ADGRL2: variants seen among roughly 807,000 people sequenced by gnomAD.
ADGRL2 encodes the protein adhesion G protein-coupled receptor L2, also known as calcium-independent alpha-latrotoxin receptor 2.
A neutral mutation model predicts 157.4 loss-of-function variants in ADGRL2; 44 were observed. That is an observed-to-expected ratio of 0.28 (90% CI 0.22 to 0.36). The LOEUF (loss-of-function observed/expected upper bound fraction) is 0.36, where lower values mean the gene tolerates loss of function less well. Among genes scored for constraint, ADGRL2 ranks in the 10% least tolerant of loss-of-function variants. The pLI is 1.00. For missense variants in ADGRL2, 1,510 were observed against 1,768.9 expected (o/e 0.85, Z 2.63); for synonymous variants, 585 against 624.7 (o/e 0.94, Z 0.95).
chr1:81,377,082 G>A (rs2076263818), intron 1 of ADGRL2, among the ~76,000 whole-genome samples: 1 of 152,130 alleles, frequency 6.6e-6, no homozygotes, highest in Non-Finnish European at 1.5e-5. Context: ...ATAGTCCTAA[G>A]CTACTCAGGA....
intron 6 of ADGRL2, among the ~76,000 whole-genome samples, chr1:81,947,471 C>T (rs1650273620): frequency 6.6e-6 from 1 of 152,202 alleles, no homozygotes; most frequent in African/African-American, 2.4e-5. Flanking sequence ...TGACCTTAAA[C>T]AAATTACTTA....
At chr1:81,637,912 C>CTT (rs5775626) in intron 3 of ADGRL2, among the ~76,000 whole-genome samples, 2 of 143,324 alleles carry the variant, frequency 1.4e-5, no homozygotes, top group African/African-American at 5.1e-5. Context: ...AAAAGGTATG[C>CTT]TTTTTTTTTT....
chr1:81,700,835 T>C (rs72718839), intron 1 of ADGRL2, among the ~76,000 whole-genome samples: 2,678 of 152,282 alleles, frequency 0.018, 33 homozygotes, highest in South Asian at 0.054. Context: ...CAGAGTGTCA[T>C]GTTGAATGTA....
rs1485647455 is a variant in ADGRL2 at position 81,350,527 on chromosome 1, A to G, written c.-302+44018A>G. 3.3e-5 allele frequency among the ~76,000 whole-genome samples: 5 copies of G among 152,362 alleles called. No individual in the cohort carries two copies. The East Asian group carries it at 9.6e-4, about 29-fold the overall frequency. ...AATAATTGGTGAACAAACCAATGTA[A>G]TGACAACTGATACTGAAGAGAAACC... On this transcript the variant is annotated intron_variant, in intron 1 of 24. Coordinates refer to the ADGRL2 transcript ENST00000370721.
upstream of ADGRL2, among the ~76,000 whole-genome samples, chr1:81,797,189 G>A (rs1037593451): frequency 2.6e-5 from 4 of 152,072 alleles, no homozygotes; most frequent in African/African-American, 7.2e-5. Flanking sequence ...AACTGAGTTA[G>A]GTTTAGGATA....
intron 2 of ADGRL2, among the ~76,000 whole-genome samples, chr1:81,455,425 C>T (rs774235948): frequency 6.6e-6 from 1 of 152,056 alleles, no homozygotes; most frequent in Non-Finnish European, 1.5e-5. Flanking sequence ...CACTGCCTCC[C>T]TAAAAAAATG....
intron 11 of ADGRL2, among the ~76,000 whole-genome samples, chr1:81,964,067 C>T (rs968632451): frequency 5.3e-5 from 8 of 151,744 alleles, no homozygotes; most frequent in Admixed American, 5.3e-4. Context: ...ATGGAAATAT[C>T]TTAAGTAGCT....
intron 1 of ADGRL2, among the ~76,000 whole-genome samples, chr1:81,825,836 C>A (rs904699346): frequency 6.6e-6 from 1 of 151,948 alleles, no homozygotes; most frequent in Non-Finnish European, 1.5e-5. Context: ...CAGTTTTATA[C>A]ACATTTATGG....
At chr1:81,557,501 GAAAGA>G (rs764441501) in intron 2 of ADGRL2, 2 of 41,938 alleles carry the variant, frequency 4.8e-5, no homozygotes, top group African/African-American at 1.9e-4. Context: ...AAGAAAGAAA[GAAAGA>G]AAGAAAGAAA....
intron 1 of ADGRL2, among the ~76,000 whole-genome samples, chr1:81,820,944 C>T (rs187143834): frequency 1.3e-5 from 2 of 152,202 alleles, no homozygotes; most frequent in East Asian, 3.9e-4. Context: ...TTAGGATCCG[C>T]CCATGTATTA....
In ADGRL2 at chr1:81,884,099, C is replaced by G. The variant is rs181985013; in HGVS notation, c.74-22918C>G. ...CTCCTGGGCTCAAGTGATCCTCCCCCCTCAGCCCCCAGAATAGCCGGGACT... is the reference window on the plus strand; with the variant it reads ...CTCCTGGGCTCAAGTGATCCTCCCCGCTCAGCCCCCAGAATAGCCGGGACT... On this transcript the variant is annotated intron_variant, in intron 2 of 23. Transcript: ENST00000686636. Among the ~76,000 whole-genome samples the G allele has an allele frequency of 3.0e-4, 45 of 152,084 alleles. No individual in the cohort carries two copies. In the East Asian group the frequency reaches 3.1e-3, roughly 10 times the overall value.
intron 1 of ADGRL2, among the ~76,000 whole-genome samples, chr1:81,741,631 A>T (rs899910924): frequency 2.6e-5 from 4 of 152,022 alleles, no homozygotes; most frequent in Non-Finnish European, 5.9e-5. Flanking sequence ...CCTTTGGAAG[A>T]TATATTTTTC....
chr1:81,982,713 C>G (rs561524903), intron 19 of ADGRL2, among the ~76,000 whole-genome samples: 2 of 151,952 alleles, frequency 1.3e-5, no homozygotes, highest in South Asian at 4.1e-4. Flanking sequence ...GTTTTCAGTC[C>G]TGACAAGACG....
chr1:81,543,311 C>G (rs939909116), intron 2 of ADGRL2, among the ~76,000 whole-genome samples: 7 of 151,782 alleles, frequency 4.6e-5, no homozygotes, highest in Non-Finnish European at 1.5e-5. Context: ...ACTAAAGTCC[C>G]AAGGGAGTTG....
intron 2 of ADGRL2, among the ~76,000 whole-genome samples, chr1:81,561,487 G>T (rs1369647383): frequency 7.5e-5 from 11 of 145,882 alleles, no homozygotes; most frequent in Non-Finnish European, 1.5e-4. Context: ...TTCAGAGGGA[G>T]TCTTGCTCAG....
chr1:81,960,016 T>G (rs533787559), intron 11 of ADGRL2, among the ~76,000 whole-genome samples: 13 of 152,256 alleles, frequency 8.5e-5, no homozygotes, highest in Admixed American at 8.5e-4. Context: ...GTCAGGCTGG[T>G]CTCACACTCC....
At chr1:81,790,309 TTAG>T (rs754337071) in intron 2 of ADGRL2, among the ~76,000 whole-genome samples, 115 of 152,120 alleles carry the variant, frequency 7.6e-4, no homozygotes, top group Non-Finnish European at 1.3e-3. Context: ...AACAGGATGA[TTAG>T]TAGTACTAGA....
At chr1:81,484,421 TTAAG>T (rs896489069) in intron 2 of ADGRL2, among the ~76,000 whole-genome samples, 38 of 152,102 alleles carry the variant, frequency 2.5e-4, no homozygotes, top group African/African-American at 8.7e-4. Flanking sequence ...CCACAGGTGT[TTAAG>T]TAGCCCTGAA....
At chr1:81,670,305 C>G (rs544805785) in intron 3 of ADGRL2, among the ~76,000 whole-genome samples, 7 of 152,312 alleles carry the variant, frequency 4.6e-5, no homozygotes, top group South Asian at 4.1e-4. Context: ...GAGTGTGACT[C>G]TTCTGTAACC....
Sources: gnomAD v4.1 joint callset for allele counts (sites outside exome capture counted in the v4.1 genomes callset) on GRCh38, gnomAD v4.1.1 for gene constraint, MANE v1.5 for transcripts, NCBI Gene and HGNC (gene_info 2026-07-23, HGNC 2026-07-21) for gene names.